Variants in PRKD1 observed in about 807,000 individuals in gnomAD.
PRKD1 encodes the protein protein kinase D1.
PRKD1 carries 63 observed loss-of-function variants against 95.9 expected under a neutral mutation model. The ratio of observed to expected loss-of-function variants is 0.66; its 90% CI spans 0.54 to 0.81. PRKD1 has a LOEUF of 0.81. Among genes scored for constraint, PRKD1 ranks in the 30% least tolerant of loss-of-function variants. The pLI, the probability that PRKD1 is intolerant of heterozygous loss-of-function variation, is 0.00. For synonymous variants in PRKD1, 425 were observed against 423.1 expected, an observed-to-expected ratio of 1.00 and a Z score of -0.05; for missense variants, 1,048 against 1,165.3, an observed-to-expected ratio of 0.90 and a Z score of 1.47.
intron 1 of PRKD1, among the ~76,000 whole-genome samples, chr14:29,735,570 C>T (rs1886673464): frequency 1.3e-5 from 2 of 152,156 alleles, no homozygotes; most frequent in African/African-American, 4.8e-5. Flanking sequence ...AACAGCTCAA[C>T]TTTATAAAGA....
chr14:29,683,447 C>A (rs944795232), intron 2 of PRKD1, among the ~76,000 whole-genome samples: 1 of 152,084 alleles, frequency 6.6e-6, no homozygotes, highest in Admixed American at 6.5e-5. Flanking sequence ...GGAAAAAGTC[C>A]AGCAGATGGC....
chr14:29,824,663 A>C (rs763821286), intron 1 of PRKD1, among the ~76,000 whole-genome samples: 5 of 152,186 alleles, frequency 3.3e-5, no homozygotes, highest in Non-Finnish European at 7.4e-5. Flanking sequence ...TCAACAGAAT[A>C]TATTCATACG....
intron 1 of PRKD1, among the ~76,000 whole-genome samples, chr14:29,810,852 G>C (rs1207924478): frequency 6.6e-6 from 1 of 152,192 alleles, no homozygotes; most frequent in Non-Finnish European, 1.5e-5. Flanking sequence ...TTGCCAGCTG[G>C]GCAGTTTGCC....
intron 1 of PRKD1, among the ~76,000 whole-genome samples, chr14:29,752,062 C>G (rs1330760587): frequency 6.6e-6 from 1 of 152,122 alleles, no homozygotes. Flanking sequence ...ATAAAATTAT[C>G]AACCAATAGT....
chr14:29,737,759 T>C (rs943350039), intron 1 of PRKD1, among the ~76,000 whole-genome samples: 10 of 152,200 alleles, frequency 6.6e-5, no homozygotes, highest in Admixed American at 1.3e-4. Context: ...AGTCCAAAGT[T>C]GTTCTGAAAG....
rs139504845 is a variant in PRKD1 at position 29,845,490 on chromosome 14, A to G, written c.264+81759T>C. ...TATTGAAGTTCAACATTTGGAAAAT[A>G]CTTACATAAACTCTAAGCATAAGAC... On this transcript the variant is annotated intron_variant, in intron 1 of 17. Transcript: ENST00000331968. 5.1e-3 allele frequency among the ~76,000 whole-genome samples: 779 copies of G among 152,318 alleles called. 2 individuals carry two copies. Among genetic ancestry groups the G allele is most frequent in the South Asian group, 0.021 (102 of 4,826 alleles).
intron 1 of PRKD1, among the ~76,000 whole-genome samples, chr14:29,792,355 G>A (rs1024253305): frequency 2.6e-5 from 4 of 152,130 alleles, no homozygotes; most frequent in Non-Finnish European, 5.9e-5. Flanking sequence ...AAGGTCAGAA[G>A]GTCCAAATTT....
At chr14:29,588,196 A>G (rs1015361240) in intron 16 of PRKD1, among the ~76,000 whole-genome samples, 1 of 152,080 alleles carries the variant, frequency 6.6e-6, no homozygotes, top group African/African-American at 2.4e-5. Flanking sequence ...CTTATTTTCA[A>G]TGGGGTTATT....
At chr14:29,755,775 T>C (rs1437948420) in intron 1 of PRKD1, among the ~76,000 whole-genome samples, 1 of 152,194 alleles carries the variant, frequency 6.6e-6, no homozygotes. Flanking sequence ...ATTTTCTACT[T>C]GCTCTCATAT....
At chr14:29,896,923 A>G (rs1189061138) in intron 1 of PRKD1, among the ~76,000 whole-genome samples, 1 of 152,000 alleles carries the variant, frequency 6.6e-6, no homozygotes, top group South Asian at 2.1e-4. Flanking sequence ...ATGTAAGTGC[A>G]TGTTCTCTAA....
intron 1 of PRKD1, among the ~76,000 whole-genome samples, chr14:29,908,488 T>C (rs957848932): frequency 1.3e-5 from 2 of 152,142 alleles, no homozygotes; most frequent in African/African-American, 4.8e-5. Flanking sequence ...GGTTTCACTA[T>C]GTTGGCCAGG....
chr14:29,683,538 C>T (rs1343372509), intron 2 of PRKD1, among the ~76,000 whole-genome samples: 1 of 151,816 alleles, frequency 6.6e-6, no homozygotes, highest in Non-Finnish European at 1.5e-5. Context: ...ATCACCAATA[C>T]AAAGAAGAAA....
intron 1 of PRKD1, among the ~76,000 whole-genome samples, chr14:29,826,239 T>C (rs1448987868): frequency 1.1e-4 from 6 of 54,550 alleles, no homozygotes; most frequent in African/African-American, 3.6e-4. Context: ...AATATATATA[T>C]ACATATATAT....
chr14:29,836,613 G>A (rs1016324177), intron 1 of PRKD1, among the ~76,000 whole-genome samples: 1 of 152,186 alleles, frequency 6.6e-6, no homozygotes, highest in African/African-American at 2.4e-5. Context: ...CAACTGCTGA[G>A]AAACTGCAGA....
chr14:29,825,563 T>C lies in PRKD1; in HGVS notation c.265-99889A>G, dbSNP rs551652795. Among the ~76,000 whole-genome samples the C allele has an allele frequency of 5.3e-5, 8 of 152,226 alleles. No homozygotes were observed. The South Asian group carries it at 1.7e-3, about 32-fold the overall frequency. On this transcript the variant is annotated intron_variant, in intron 1 of 17. Coordinates refer to ENST00000331968, the MANE Select transcript of PRKD1 (RefSeq NM_002742.3). The stretch of plus-strand genomic sequence containing the variant: ...TCATCAAAGATGATTTACAAGTTTA[T>C]ACCAAGGTATGAACCTAATCCACAA...
chr14:29,797,440 ATC>A (rs1889864944), intron 1 of PRKD1, among the ~76,000 whole-genome samples: 1 of 152,230 alleles, frequency 6.6e-6, no homozygotes, highest in Non-Finnish European at 1.5e-5. Flanking sequence ...TTGCTTAAAT[ATC>A]TGTCTGAAGT....
At chr14:29,608,758 T>C (rs1878207437) in intron 13 of PRKD1, among the ~76,000 whole-genome samples, 1 of 152,214 alleles carries the variant, frequency 6.6e-6, no homozygotes, top group Non-Finnish European at 1.5e-5. Context: ...AAAATTCTCC[T>C]GCTCTAAAGT....
intron 1 of PRKD1, among the ~76,000 whole-genome samples, chr14:29,774,462 CAAT>C (rs758937420): frequency 6.6e-6 from 1 of 151,896 alleles, no homozygotes; most frequent in Admixed American, 6.6e-5. Flanking sequence ...AACATTTTAC[CAAT>C]AATAATAATA....
Position 29,893,337 on chromosome 14 carries a change from C to G in PRKD1, c.264+33912G>C, listed in dbSNP as rs1156476416. ...AAAGATGTTAATAACCAAAGTTATTCTTTCTAAAATAATTAGAATATTATT... is the reference window on the plus strand; with the variant it reads ...AAAGATGTTAATAACCAAAGTTATTGTTTCTAAAATAATTAGAATATTATT... On this transcript the variant is annotated intron_variant, in intron 1 of 17. Transcript: ENST00000331968. 6.6e-5 allele frequency among the ~76,000 whole-genome samples: 10 copies of G among 151,728 alleles called. 1 individual carries two copies. The South Asian group carries it at 2.1e-3, about 32-fold the overall frequency.
Sources: allele counts gnomAD v4.1 joint callset (sites outside exome capture counted in the v4.1 genomes callset), GRCh38; gene constraint gnomAD v4.1.1; transcripts MANE v1.5; gene names NCBI Gene and HGNC (gene_info 2026-07-23, HGNC 2026-07-21).